Variants in TXN observed in about 807,000 individuals in gnomAD.
The protein encoded by TXN is ADF.
A neutral mutation model predicts 16.5 loss-of-function variants in TXN; 10 were observed. The observed-to-expected ratio is 0.61, with a 90% CI of 0.37 to 1.03. The LOEUF is 1.03. Ranked by LOEUF, TXN falls within the 50% of genes least tolerant of loss-of-function variation. The pLI is 0.01. For synonymous variants in TXN, 35 were observed against 39.4 expected (o/e 0.89, Z 0.42); for missense variants, 71 against 122.5 (o/e 0.58, Z 1.98).
At chr9:110,250,555 T>C (rs962456835) in intron 3 of TXN, among the ~76,000 whole-genome samples, 1 of 152,176 alleles carries the variant, frequency 6.6e-6, no homozygotes, top group Non-Finnish European at 1.5e-5. Flanking sequence ...GAGTGTAAAG[T>C]AGAATGTAGG....
chr9:110,243,979 TCA>T lies in TXN; in HGVS notation c.*176_*177del, dbSNP rs2118558398. On this transcript the variant is annotated 3_prime_UTR_variant, in exon 5 of 5. Transcript: ENST00000374517. ...TAGGAAAATACATTAAATGACCATT[TCA>T]CATTTATTTTGAAAGCTATTCAGAC... is the stretch of plus-strand genomic sequence containing the variant. 2 of 329,202 alleles carry T rather than the reference TCA, an allele frequency of 6.1e-6. No homozygotes were observed. The highest frequency in any genetic ancestry group is 1.1e-5 in the Non-Finnish European group (2 of 175,600). 20.4% of individuals were successfully genotyped at this position (329,202 alleles called of 1,614,324 possible). A position where few individuals can be genotyped will look rare whatever the true frequency, so the allele number is the denominator to read the frequency against.
rs112465139 is a variant in TXN at position 110,249,307 on chromosome 9, T to TTA, written c.189+1512_189+1513insTA. 6.9e-3 allele frequency among the ~76,000 whole-genome samples: 992 copies of TTA among 143,420 alleles called. 7 individuals are homozygous for TTA. Among genetic ancestry groups the TTA allele is most frequent in the Middle Eastern group, 0.015 (4 of 272 alleles). 94.1% of individuals were successfully genotyped at this position (143,420 alleles called of 152,430 possible). ...CACAAAAATGCAATTACACTCTTTT[T>TTA]AAAAAAAAAAAAACAACTCTGGGAC... On this transcript the variant is annotated intron_variant, in intron 3 of 4. Transcript: ENST00000374517.
At chr9:110,247,375 A>G (rs1377116053) in intron 3 of TXN, among the ~76,000 whole-genome samples, 1 of 151,992 alleles carries the variant, frequency 6.6e-6, no homozygotes, top group Non-Finnish European at 1.5e-5. Flanking sequence ...CACCAAGCAG[A>G]CATGAAGGAG....
At chr9:110,250,968 A>C in intron 2 of TXN, 89 bp from the exon 3 acceptor site, 1 of 935,448 alleles carries the variant, frequency 1.1e-6, no homozygotes, top group Non-Finnish European at 1.7e-6. Context: ...GAAACTTAAT[A>C]AAAGTAGAGA....
At chr9:110,245,579 T>TTGTGTG (rs1261980342) in intron 3 of TXN, among the ~76,000 whole-genome samples, 2 of 107,024 alleles carry the variant, frequency 1.9e-5, no homozygotes, top group African/African-American at 7.1e-5. Flanking sequence ...CTGGCTAATT[T>TTGTGTG]TGTGTGTGTG....
At position 110,256,083 on chromosome 9, in the gene TXN, G is replaced by C. The variant is rs1837805921; in HGVS notation, c.24+329C>G. Among the ~76,000 whole-genome samples the C allele has an allele frequency of 6.6e-6, 1 of 152,174 alleles. No homozygotes were observed. Among genetic ancestry groups the C allele is most frequent in the Non-Finnish European group, 1.5e-5 (1 of 68,008 alleles). Reference sequence around the variant, plus strand: ...AGCGTGGGGACTCCTCACGCTGTCTGCGCTCTCACATCCCCCGGACGCTCC... The same window carrying C: ...AGCGTGGGGACTCCTCACGCTGTCTCCGCTCTCACATCCCCCGGACGCTCC... On this transcript the variant is annotated intron_variant, in intron 1 of 4. Transcript: ENST00000374517. This position sits in a 1 kb window ranked among gnomAD's most constrained non-coding sequence, Gnocchi z 4.2.
intron 2 of TXN, among the ~76,000 whole-genome samples, chr9:110,251,151 A>G (rs1167797257): frequency 6.6e-6 from 1 of 152,220 alleles, no homozygotes; most frequent in Non-Finnish European, 1.5e-5. Flanking sequence ...TATTTAAGAC[A>G]AAATTAACTT....
At chr9:110,255,346 T>C (rs895311947) in intron 1 of TXN, among the ~76,000 whole-genome samples, 6 of 152,244 alleles carry the variant, frequency 3.9e-5, no homozygotes, top group Non-Finnish European at 5.9e-5. Flanking sequence ...AGTGGCTACA[T>C]TGGACTAGAC....
At chr9:110,247,277 G>A (rs1010003400) in intron 3 of TXN, among the ~76,000 whole-genome samples, 5 of 150,562 alleles carry the variant, frequency 3.3e-5, no homozygotes, top group African/African-American at 1.2e-4. Context: ...GAGCAGAGAT[G>A]GTACCACTGC....
At chr9:110,249,073 G>A (rs930432742) in intron 3 of TXN, among the ~76,000 whole-genome samples, 3 of 137,542 alleles carry the variant, frequency 2.2e-5, no homozygotes, top group African/African-American at 8.3e-5. Flanking sequence ...GTTGCAGTGA[G>A]CCGAGATCAT....
Position 110,251,439 on chromosome 9 carries a change from G to A in TXN, c.48C>T (p.Asp16=), listed in dbSNP as rs138828481. 3.5e-5 allele frequency: 57 copies of A among 1,611,356 alleles called. No individual in the cohort carries two copies. The East Asian group carries it at 7.8e-4, about 22-fold the overall frequency. Residue 16 remains aspartate (D), a synonymous_variant, in exon 2 of 5, where the codon GAC becomes GAT. Transcript: ENST00000374517. ...CTACTACAAGTTTATCACCTGCAGC[G>A]TCCAAGGCTTCCTGAAAAGCAGTCT... is the stretch of plus-strand genomic sequence containing the variant. ...ESKTAFQEAL[D]AAGDKLVVVD...
chr9:110,251,260 G>C lies in TXN; in HGVS notation c.129+98C>G, dbSNP rs1587923676. On this transcript the variant is annotated intron_variant, in intron 2 of 4. Coordinates refer to ENST00000374517, the MANE Select transcript of TXN (RefSeq NM_003329.4). The stretch of plus-strand genomic sequence containing the variant: ...ATCCAGCCAAAGAAATCCCCCCACC[G>C]AAACCAAAATCCTTTAACTGTCTTT... 6.5e-6 allele frequency: 6 copies of C among 928,354 alleles called. No individual in the cohort carries two copies. The East Asian group carries it at 1.5e-4, about 24-fold the overall frequency. The allele number at this position is 928,354 out of a possible 1,614,324, so 57.5% of individuals were successfully genotyped here.
intron 3 of TXN, among the ~76,000 whole-genome samples, chr9:110,245,618 C>CTATATATATATATA (rs1170640168): frequency 6.8e-4 from 21 of 30,876 alleles, no homozygotes; most frequent in Admixed American, 2.2e-3. Flanking sequence ...CACACACACA[C>CTATATATATATATA]TATATATATA....
chr9:110,250,933 T>C, intron 2 of TXN, 54 bp from the exon 3 acceptor site: 8 of 1,269,308 alleles, frequency 6.3e-6, no homozygotes, highest in Admixed American at 4.0e-5. Flanking sequence ...GTAATGGCAA[T>C]CAACATACCC....
intron 3 of TXN, among the ~76,000 whole-genome samples, chr9:110,248,904 G>A (rs536479003): frequency 6.6e-6 from 1 of 152,020 alleles, no homozygotes; most frequent in South Asian, 2.1e-4. Context: ...CCTGAAGTCA[G>A]GAGTTCGAGA....
chr9:110,251,034 A>C (rs114115373), intron 2 of TXN, among the ~76,000 whole-genome samples, 155 bp from the exon 3 acceptor site: 1 of 152,118 alleles, frequency 6.6e-6, no homozygotes, highest in Middle Eastern at 3.2e-3. Context: ...AGAGACATAA[A>C]TTTTCTCTAA....
At chr9:110,245,640 ATATATATATATATATTTT>A (rs1453998749) in intron 3 of TXN, among the ~76,000 whole-genome samples, 7 of 30,494 alleles carry the variant, frequency 2.3e-4, no homozygotes, top group African/African-American at 1.0e-3. Context: ...ATATATATAT[ATATATATATATATATTTT>A]TTTTTTTTTT....
At chr9:110,246,225 C>T (rs1837658056) in intron 3 of TXN, among the ~76,000 whole-genome samples, 1 of 152,130 alleles carries the variant, frequency 6.6e-6, no homozygotes, top group Non-Finnish European at 1.5e-5. Context: ...AGCCATCCTA[C>T]TAAGAAAATC....
chr9:110,256,010 C>T lies in TXN; in HGVS notation c.24+402G>A, dbSNP rs1469509371. Among the ~76,000 whole-genome samples the T allele has an allele frequency of 6.6e-6, 1 of 152,228 alleles. No individual in the cohort carries two copies. The highest frequency in any genetic ancestry group is 2.4e-5 in the African/African-American group (1 of 41,458). On this transcript the variant is annotated intron_variant, in intron 1 of 4. Coordinates refer to ENST00000374517, the MANE Select transcript of TXN (RefSeq NM_003329.4). This position sits in a 1 kb window ranked among gnomAD's most constrained non-coding sequence, Gnocchi z 4.2. ...CAAGGGCGGACCCCTTCCATTCCCT[C>T]ATCTTCCTCCAGTCGGGGCTGCCCG...
Sources: gnomAD v4.1 joint callset for allele counts (sites outside exome capture counted in the v4.1 genomes callset) on GRCh38, gnomAD v4.1.1 for gene constraint, Gnocchi (gnomAD v3.1) non-coding constraint, MANE v1.5 for transcripts, NCBI Gene and HGNC (gene_info 2026-07-23, HGNC 2026-07-21) for gene names.